HS3ST5: variants seen among roughly 807,000 people sequenced by gnomAD.
The protein encoded by HS3ST5 is heparan sulfate glucosamine 3-O-sulfotransferase 5.
HS3ST5 carries 10 observed loss-of-function variants against 25.4 expected under a neutral mutation model. The observed-to-expected ratio is 0.39, with a 90% CI of 0.24 to 0.67. The LOEUF (loss-of-function observed/expected upper bound fraction) is 0.67. Among genes scored for constraint, HS3ST5 ranks in the 30% least tolerant of loss-of-function variants. The pLI is 0.44. For missense variants in HS3ST5, 324 were observed against 420.7 expected, an observed-to-expected ratio of 0.77 and a Z score of 2.01; for synonymous variants, 170 against 162.4, an observed-to-expected ratio of 1.05 and a Z score of -0.36.
At chr6:114,083,777 C>T (rs938872863) in intron 3 of HS3ST5, among the ~76,000 whole-genome samples, 2 of 151,988 alleles carry the variant, frequency 1.3e-5, no homozygotes, top group Non-Finnish European at 2.9e-5. Context: ...TTGAGTATTC[C>T]TCTTCTCCAT....
At chr6:114,209,678 A>G (rs1781429871) in intron 2 of HS3ST5, among the ~76,000 whole-genome samples, 1 of 152,178 alleles carries the variant, frequency 6.6e-6, no homozygotes, top group Admixed American at 6.5e-5. Context: ...TATTAATTTA[A>G]GTTGGTTAGA....
intron 2 of HS3ST5, among the ~76,000 whole-genome samples, chr6:114,205,024 G>C (rs530297802): frequency 6.6e-6 from 1 of 152,138 alleles, no homozygotes; most frequent in South Asian, 2.1e-4. Flanking sequence ...TTTTCTTGAG[G>C]GCATAGTGAA....
intron 3 of HS3ST5, among the ~76,000 whole-genome samples, chr6:114,069,601 C>T (rs1199313784): frequency 1.3e-5 from 2 of 151,530 alleles, no homozygotes; most frequent in Non-Finnish European, 2.9e-5. Flanking sequence ...TCGCTGCAAC[C>T]TCTGCCTTCC....
chr6:114,179,871 C>T (rs1443845512), intron 2 of HS3ST5, among the ~76,000 whole-genome samples: 1 of 152,050 alleles, frequency 6.6e-6, no homozygotes, highest in Non-Finnish European at 1.5e-5. Context: ...GGCCGGAGAG[C>T]CCCTAGCATA....
intron 1 of HS3ST5, among the ~76,000 whole-genome samples, chr6:114,275,070 G>A (rs1270779646): frequency 6.6e-6 from 1 of 151,788 alleles, no homozygotes; most frequent in Non-Finnish European, 1.5e-5. Flanking sequence ...GGCCTTCCCT[G>A]ACTTCCCTTC....
In HS3ST5 at chr6:114,152,060, A is replaced by G. The variant is rs1230116038; in HGVS notation, c.-33+16291T>C. 2.0e-5 allele frequency among the ~76,000 whole-genome samples: 3 copies of G among 151,990 alleles called. No homozygotes were observed. The East Asian group carries it at 5.8e-4, about 30-fold the overall frequency. ...ATTCTTTTGCCTCAGCCTCCTGGGT[A>G]GCTGGGACTACAGGCGCGTGCCACC... On this transcript the variant is annotated intron_variant, in intron 3 of 4. Transcript: ENST00000312719.
At chr6:114,317,991 C>G (rs1775810795) in intron 1 of HS3ST5, among the ~76,000 whole-genome samples, 1 of 152,046 alleles carries the variant, frequency 6.6e-6, no homozygotes, top group Admixed American at 6.6e-5. Flanking sequence ...ATAAAATGAG[C>G]TTTTCTCCAC....
intron 1 of HS3ST5, among the ~76,000 whole-genome samples, chr6:114,235,442 A>AT (rs1771812076): frequency 6.6e-6 from 1 of 152,050 alleles, no homozygotes; most frequent in Admixed American, 6.6e-5. Flanking sequence ...GCTTTCTGTG[A>AT]TTTTCTCAAC....
chr6:114,255,713 AAGGCT>A (rs542920752), intron 1 of HS3ST5, among the ~76,000 whole-genome samples: 2,798 of 152,282 alleles, frequency 0.018, 108 homozygotes, highest in African/African-American at 0.063. Flanking sequence ...GGAAGCTGCC[AAGGCT>A]TGGGGCTTAC....
At chr6:114,159,598 G>T (rs575529651) in intron 3 of HS3ST5, among the ~76,000 whole-genome samples, 1 of 152,296 alleles carries the variant, frequency 6.6e-6, no homozygotes, top group African/African-American at 2.4e-5. Flanking sequence ...TTGGATGCTG[G>T]TGATTTCTGT....
intron 1 of HS3ST5, among the ~76,000 whole-genome samples, chr6:114,341,654 G>C (rs981588588): frequency 1.4e-5 from 2 of 139,728 alleles, no homozygotes; most frequent in Non-Finnish European, 3.0e-5. Flanking sequence ...TGAGGGGTGT[G>C]GGGGGGGCCA....
intron 3 of HS3ST5, among the ~76,000 whole-genome samples, chr6:114,141,592 A>G (rs1296179561): frequency 2.0e-5 from 3 of 152,338 alleles, no homozygotes; most frequent in African/African-American, 7.2e-5. Flanking sequence ...TTTTAACTAT[A>G]AAGAAAGGTG....
At chr6:114,062,691 T>TTCCTTGATTTAA (rs1483909217) in intron 4 of HS3ST5, 48 bp downstream of exon 4, 14 of 1,221,502 alleles carry the variant, frequency 1.1e-5, no homozygotes, top group Non-Finnish European at 1.6e-5. Flanking sequence ...GAAGTTTAAA[T>TTCCTTGATTTAA]CAAGCCTTAA....
chr6:114,166,169 T>C (rs1182439021), intron 3 of HS3ST5, among the ~76,000 whole-genome samples: 1 of 151,552 alleles, frequency 6.6e-6, no homozygotes, highest in Admixed American at 6.6e-5. Context: ...CTAAAGGTAG[T>C]TTCCTTAGGT....
rs114595387 is a variant in HS3ST5 at position 114,198,336 on chromosome 6, C to T, written c.-144-29874G>A. 5.7e-3 allele frequency among the ~76,000 whole-genome samples: 868 copies of T among 152,178 alleles called. 7 individuals carry two copies. Among genetic ancestry groups the T allele is most frequent in the African/African-American group, 0.02 (834 of 41,538 alleles). ...ACTCTGGCATTCTGGAGAGAGAAGACAGAGTAAGCAACTTGGAAAACATAT... is the reference window on the plus strand; with the variant it reads ...ACTCTGGCATTCTGGAGAGAGAAGATAGAGTAAGCAACTTGGAAAACATAT... On this transcript the variant is annotated intron_variant, in intron 2 of 4. Transcript: ENST00000312719.
Position 114,058,130 on chromosome 6 carries a change from G to T in HS3ST5, c.168C>A (p.Phe56Leu). The change falls in exon 5 of 5, where the codon TTC becomes TTA. Residue 56 changes from phenylalanine to leucine, a missense_variant. Phe to Leu is a conservative substitution (Grantham distance 22). Around this residue, in one of 2 missense-constraint regions of HS3ST5, gnomAD observed 121 missense variants for 117.3 expected, o/e 1.03. Transcript: ENST00000312719. ...RLGGARTQAE[F>L]PLRALQFKRG... ...GCTTAAACTGCAGGGCGCGAAGTGG[G>T]AATTCAGCCTGAGTGCGGGCTCCAC... 2 of 1,613,646 alleles carry T rather than the reference G, an allele frequency of 1.2e-6. No individual in the cohort carries two copies. Among genetic ancestry groups the T allele is most frequent in the Non-Finnish European group, 1.7e-6 (2 of 1,179,666 alleles).
At chr6:114,229,472 T>A (rs1037947115) in intron 1 of HS3ST5, among the ~76,000 whole-genome samples, 12 of 152,344 alleles carry the variant, frequency 7.9e-5, no homozygotes, top group African/African-American at 2.9e-4. Flanking sequence ...GACAAGAGCA[T>A]ACACACATGC....
intron 2 of HS3ST5, among the ~76,000 whole-genome samples, chr6:114,214,906 T>G (rs889856835): frequency 2.6e-5 from 4 of 152,148 alleles, no homozygotes; most frequent in Non-Finnish European, 4.4e-5. Flanking sequence ...ATAGACCTCA[T>G]GTATCCTGTG....
chr6:114,067,785 G>A (rs987618221), intron 3 of HS3ST5, among the ~76,000 whole-genome samples: 5 of 152,130 alleles, frequency 3.3e-5, no homozygotes, highest in African/African-American at 1.2e-4. Context: ...TATTTTTATT[G>A]AAGATCTCAA....
Sources: allele counts gnomAD v4.1 joint callset (sites outside exome capture counted in the v4.1 genomes callset), GRCh38; gene constraint gnomAD v4.1.1; regional missense constraint gnomAD v4.1.1; transcripts MANE v1.5; gene names NCBI Gene and HGNC (gene_info 2026-07-23, HGNC 2026-07-21).